The following FER variants were observed in gnomAD, a reference collection of about 807,000 sequenced individuals.
The protein encoded by FER is FER tyrosine kinase, also known as tyrosine-protein kinase Fer.
FER carries 63 observed loss-of-function variants against 111.0 expected under a neutral mutation model. The observed-to-expected ratio is 0.57, with a 90% CI of 0.46 to 0.70. FER has a LOEUF of 0.70. Among genes scored for constraint, FER ranks in the 30% least tolerant of loss-of-function variants. The probability of loss-of-function intolerance (pLI) is 0.00; values close to 1 mark genes in which losing one functional copy is unlikely to be tolerated. For missense variants in FER, 914 were observed against 954.0 expected (o/e 0.96, Z 0.55); for synonymous variants, 327 against 313.9 (o/e 1.04, Z -0.44).
chr5:108,781,693 A>G (rs1038179390), intron 2 of FER, among the ~76,000 whole-genome samples: 4 of 152,096 alleles, frequency 2.6e-5, no homozygotes, highest in African/African-American at 9.7e-5. Context: ...ACCTTCACAG[A>G]TGTTTGTTAG....
chr5:108,973,002 A>G (rs1039146003), intron 13 of FER, among the ~76,000 whole-genome samples: 2 of 152,142 alleles, frequency 1.3e-5, no homozygotes, highest in Admixed American at 1.3e-4. Context: ...ACTCTTATTC[A>G]GCTTATCTGT....
At chr5:108,974,385 G>A (rs1378667866) in intron 13 of FER, among the ~76,000 whole-genome samples, 1 of 152,182 alleles carries the variant, frequency 6.6e-6, no homozygotes, top group African/African-American at 2.4e-5. Flanking sequence ...AGACAGCATA[G>A]TTTTTCAGAG....
chr5:109,152,835 A>G (rs1045674029), intron 17 of FER, among the ~76,000 whole-genome samples: 2 of 151,914 alleles, frequency 1.3e-5, no homozygotes, highest in Non-Finnish European at 2.9e-5. Flanking sequence ...TCTTATTACC[A>G]CCATCGTAAT....
chr5:109,126,989 C>A (rs2126543490), intron 17 of FER, among the ~76,000 whole-genome samples: 1 of 152,286 alleles, frequency 6.6e-6, no homozygotes, highest in South Asian at 2.1e-4. Flanking sequence ...TACCAACCAG[C>A]AGAAAAGGCT....
intron 17 of FER, among the ~76,000 whole-genome samples, chr5:109,135,305 T>C (rs1413324165): frequency 6.6e-6 from 1 of 152,216 alleles, no homozygotes; most frequent in African/African-American, 2.4e-5. Context: ...CAATTATTAT[T>C]CTTCCATTTT....
intron 12 of FER, among the ~76,000 whole-genome samples, chr5:108,957,966 C>G (rs1329084522): frequency 1.3e-5 from 2 of 151,502 alleles, no homozygotes; most frequent in Non-Finnish European, 3.0e-5. Flanking sequence ...AGGATCAGTG[C>G]TAATATATCA....
chr5:109,155,434 A>G (rs1755260928), intron 17 of FER, among the ~76,000 whole-genome samples: 1 of 151,946 alleles, frequency 6.6e-6, no homozygotes, highest in African/African-American at 2.4e-5. Flanking sequence ...GATAGGGCAA[A>G]TCAGGAGAGA....
At chr5:108,781,231 C>T (rs1414819395) in intron 2 of FER, among the ~76,000 whole-genome samples, 1 of 152,178 alleles carries the variant, frequency 6.6e-6, no homozygotes, top group African/African-American at 2.4e-5. Flanking sequence ...CACTCTGTCA[C>T]CCAGGCTGGA....
intron 16 of FER, among the ~76,000 whole-genome samples, chr5:109,055,871 A>G (rs1294143028): frequency 2.7e-5 from 4 of 150,810 alleles, no homozygotes; most frequent in Non-Finnish European, 4.4e-5. Context: ...AAAAAACCCA[A>G]AAAACAAAAA....
intron 18 of FER, 49 bp from the exon 19 acceptor site, chr5:109,186,151 T>A: frequency 1.2e-6 from 2 of 1,613,676 alleles, no homozygotes; most frequent in Non-Finnish European, 1.7e-6. Flanking sequence ...AAGGGTCACC[T>A]ACTTGTCTAC....
At chr5:108,783,929 G>C (rs1754377048) in intron 2 of FER, among the ~76,000 whole-genome samples, 1 of 152,138 alleles carries the variant, frequency 6.6e-6, no homozygotes, top group African/African-American at 2.4e-5. Context: ...AGCAAAACTG[G>C]GTTTGGCTTG....
chr5:108,908,555 C>G (rs542126499), intron 10 of FER, among the ~76,000 whole-genome samples: 1 of 152,138 alleles, frequency 6.6e-6, no homozygotes, highest in South Asian at 2.1e-4. Context: ...TCATTCCAGC[C>G]TATACAATTT....
chr5:109,047,032 C>T (rs1054635026), intron 15 of FER, 72 bp from the exon 16 acceptor site: 42 of 796,328 alleles, frequency 5.3e-5, no homozygotes, highest in Non-Finnish European at 7.7e-5. Flanking sequence ...TAGTTGTAAA[C>T]CCTATTTGTG....
At chr5:108,826,850 G>A (rs549702207) in intron 3 of FER, among the ~76,000 whole-genome samples, 2 of 152,210 alleles carry the variant, frequency 1.3e-5, no homozygotes, top group East Asian at 3.9e-4. Context: ...TTATTCCATA[G>A]CACCTTGTTC....
intron 9 of FER, among the ~76,000 whole-genome samples, chr5:108,884,183 A>G (rs1051099734): frequency 6.6e-6 from 1 of 152,000 alleles, no homozygotes; most frequent in African/African-American, 2.4e-5. Flanking sequence ...TAGACCTCAC[A>G]TATTTCTTGC....
At chr5:109,026,803 C>G (rs939882390) in intron 13 of FER, among the ~76,000 whole-genome samples, 1 of 152,060 alleles carries the variant, frequency 6.6e-6, no homozygotes, top group African/African-American at 2.4e-5. Context: ...CTCAGCCTCC[C>G]GAGTAGCTGG....
intron 13 of FER, among the ~76,000 whole-genome samples, chr5:108,999,103 T>G (rs1764378566): frequency 2.0e-5 from 3 of 152,210 alleles, no homozygotes; most frequent in Admixed American, 1.3e-4. Flanking sequence ...ATTGAAACAT[T>G]ATGCATAAAC....
At chr5:109,186,445 TG>T in intron 19 of FER, 123 bp downstream of exon 19, 2 of 1,427,908 alleles carry the variant, frequency 1.4e-6, no homozygotes, top group Non-Finnish European at 9.6e-7. Flanking sequence ...AGACCATCTC[TG>T]GGGTTCAGAA....
chr5:108,811,258 C>G (rs958831772), intron 3 of FER, among the ~76,000 whole-genome samples: 2 of 151,522 alleles, frequency 1.3e-5, no homozygotes, highest in Non-Finnish European at 2.9e-5. Flanking sequence ...AGTGGATGCT[C>G]CAGATGCCTA....
Sources: gnomAD v4.1 joint callset for allele counts (sites outside exome capture counted in the v4.1 genomes callset) on GRCh38, gnomAD v4.1.1 for gene constraint, MANE v1.5 for transcripts, NCBI Gene and HGNC (gene_info 2026-07-23, HGNC 2026-07-21) for gene names.